Variants in STK40 observed in about 807,000 individuals in gnomAD.
STK40 encodes serine/threonine kinase 40, also known as serine/threonine-protein kinase 40.
A neutral mutation model predicts 47.9 loss-of-function variants in STK40; 13 were observed. The observed-to-expected ratio is 0.27, with a 90% CI of 0.18 to 0.43. STK40 has a LOEUF of 0.43. Among genes scored for constraint, STK40 ranks in the 20% least tolerant of loss-of-function variants. The pLI is 1.00. For missense variants in STK40, 460 were observed against 595.1 expected (o/e 0.77, Z 2.36); for synonymous variants, 225 against 243.2 (o/e 0.93, Z 0.69).
chr1:36,363,528 C>T (rs920777319), intron 1 of STK40, among the ~76,000 whole-genome samples: 9 of 152,034 alleles, frequency 5.9e-5, no homozygotes, highest in South Asian at 2.1e-4. Flanking sequence ...AAGAATTAGC[C>T]GGGCGCAGTG....
At chr1:36,364,760 A>G (rs1406531285) in intron 1 of STK40, among the ~76,000 whole-genome samples, 2 of 151,984 alleles carry the variant, frequency 1.3e-5, no homozygotes, top group Non-Finnish European at 2.9e-5. Flanking sequence ...GGAGTTCGAG[A>G]CCAGCCTGGG....
At chr1:36,368,543 C>T (rs765608001) in intron 1 of STK40, among the ~76,000 whole-genome samples, 3 of 152,164 alleles carry the variant, frequency 2.0e-5, no homozygotes, top group African/African-American at 7.2e-5. Context: ...TGAGCCACCA[C>T]CCCCAATCTA....
At chr1:36,358,486 G>A in intron 3 of STK40, 104 bp from the exon 4 acceptor site, 1 of 1,455,244 alleles carries the variant, frequency 6.9e-7, no homozygotes, top group Non-Finnish European at 9.3e-7. Flanking sequence ...CATGACATTT[G>A]TGCACAATGC....
At chr1:36,343,118 T>C in intron 10 of STK40, 1 of 643,336 alleles carries the variant, frequency 1.6e-6, no homozygotes, top group Non-Finnish European at 2.8e-6. Context: ...ACTTGGGCAC[T>C]GGCTCCAGCT....
In STK40 at chr1:36,343,941, C is replaced by T. The variant is rs773872076; in HGVS notation, c.923G>A (p.Arg308Gln). 1.6e-5 allele frequency: 25 copies of T among 1,608,182 alleles called. No individual in the cohort carries two copies. The highest frequency in any genetic ancestry group is 2.2e-5 in the East Asian group (1 of 44,734). ...RVSENTVCLI[R>Q]KLLVLDPQQR... ...CTGGGGGTCAAGGACCAGCAGCTTC[C>T]GGATGAGACACACGGTGTTCTCAGA... is the stretch of plus-strand genomic sequence containing the variant. The change falls in exon 9 of 11, where the codon CGG becomes CAG. Residue 308 changes from arginine (R) to glutamine (Q), a missense_variant. Arg to Gln is a conservative substitution (Grantham distance 43). This residue lies in a region of STK40 where 181 missense variants were observed against 218.9 expected (regional missense o/e 0.83). Coordinates refer to ENST00000373132, the MANE Select transcript of STK40 (RefSeq NM_001282547.2).
chr1:36,359,056 AAG>A (rs1646829984), intron 2 of STK40, among the ~76,000 whole-genome samples: 1 of 152,266 alleles, frequency 6.6e-6, no homozygotes, highest in Admixed American at 6.5e-5. Context: ...ACATTTCCCA[AAG>A]AGAGGTTTTC....
Position 36,367,992 on chromosome 1 carries a change from T to C in STK40, c.-8-6652A>G, listed in dbSNP as rs1646915693. The stretch of plus-strand genomic sequence containing the variant: ...CAGACCTGGTGCCTCCAGCTTAAGA[T>C]CTCTTGGAGCAGGATTGCGGGAGGA... On this transcript the variant is annotated intron_variant, in intron 1 of 10. Transcript: ENST00000373132. 4 of 540,596 alleles carry C rather than the reference T, an allele frequency of 7.4e-6. No individual in the cohort carries two copies. In the South Asian group the frequency reaches 3.2e-4, roughly 43 times the overall value. 33.5% of individuals were successfully genotyped at this position (540,596 alleles called of 1,614,324 possible).
At chr1:36,370,478 AT>A (rs1360492087) in intron 1 of STK40, among the ~76,000 whole-genome samples, 11 of 152,196 alleles carry the variant, frequency 7.2e-5, no homozygotes, top group African/African-American at 1.4e-4. Flanking sequence ...CTAACCATGC[AT>A]TTATCTGACT....
intron 1 of STK40, among the ~76,000 whole-genome samples, chr1:36,372,211 CG>C (rs1646954318): frequency 6.6e-6 from 1 of 151,388 alleles, no homozygotes; most frequent in Admixed American, 6.6e-5. Context: ...AGCCCGGGCA[CG>C]GTGGCTCATG....
At chr1:36,345,215 A>G (rs56394568) in intron 7 of STK40, among the ~76,000 whole-genome samples, 15,085 of 152,268 alleles carry the variant, frequency 0.099, 895 homozygotes, top group Middle Eastern at 0.26. Flanking sequence ...TGGACCCCAG[A>G]ACACAACTCC....
At position 36,344,221 on chromosome 1, in the gene STK40, G is replaced by A. The variant is rs201561577; in HGVS notation, c.783C>T (p.Gly261=). Residue 261 remains glycine (G), a synonymous_variant, in exon 8 of 11, where the codon GGC becomes GGT. Transcript: ENST00000373132. The part of the protein sequence containing the change: ...RGKPSDMWAL[G]VVLFTMLYGQ... The stretch of plus-strand genomic sequence containing the variant: ...CATACAGCATGGTGAAGAGCACCAC[G>A]CCCAGGGCCCACATGTCACTGGGCT... 33 of 1,612,620 alleles carry A rather than the reference G, an allele frequency of 2.0e-5. 1 individual carries two copies. Among genetic ancestry groups the A allele is most frequent in the Middle Eastern group, 3.3e-4 (2 of 6,056 alleles).
At chr1:36,344,285 C>T (rs1054338859) in intron 7 of STK40, 21 bp from the exon 8 acceptor site, 1 of 1,571,430 alleles carries the variant, frequency 6.4e-7, no homozygotes, top group African/African-American at 1.3e-5. Context: ...ACACATACCA[C>T]ACTGTCTTCA....
intron 1 of STK40, among the ~76,000 whole-genome samples, chr1:36,378,354 C>G (rs1647009468): frequency 6.6e-6 from 1 of 152,196 alleles, no homozygotes; most frequent in South Asian, 2.1e-4. Context: ...AGTCTTTTTA[C>G]CCCGCTCTGA....
At chr1:36,355,068 A>T in intron 5 of STK40, 138 bp downstream of exon 5, 1 of 878,508 alleles carries the variant, frequency 1.1e-6, no homozygotes, top group Non-Finnish European at 1.8e-6. Flanking sequence ...TGCACCTGCC[A>T]TTCAGTCACT....
At chr1:36,362,730 T>C (rs1350063992) in intron 1 of STK40, 1 of 152,242 alleles carries the variant, frequency 6.6e-6, no homozygotes, top group African/African-American at 2.4e-5. Flanking sequence ...CTCCCAGATA[T>C]AACTGCTGTT....
intron 7 of STK40, among the ~76,000 whole-genome samples, chr1:36,346,842 C>A (rs1646706794): frequency 6.6e-6 from 1 of 152,210 alleles, no homozygotes; most frequent in African/African-American, 2.4e-5. Flanking sequence ...GGCTAGCCCA[C>A]AGCCTGAGCC....
At chr1:36,364,788 T>C (rs1017272143) in intron 1 of STK40, among the ~76,000 whole-genome samples, 8 of 152,018 alleles carry the variant, frequency 5.3e-5, no homozygotes, top group Non-Finnish European at 1.2e-4. Context: ...GCGAGACCCA[T>C]CTCAATAAAA....
rs866908704 is a variant in STK40, at chr1:36,355,378, ATCT to A, written c.395_397del (p.Lys132del). On this transcript the variant is annotated inframe_deletion, in exon 5 of 11. Coordinates refer to ENST00000373132, the MANE Select transcript of STK40 (RefSeq NM_001282547.2). Reference sequence around the variant, plus strand: ...CAGGACGAGGCAGATGCGCTTCTTCATCTTCTTAACCATCCGGCTGGATTCTGT... The same window carrying A: ...CAGGACGAGGCAGATGCGCTTCTTCATCTTAACCATCCGGCTGGATTCTGT... 5 of 1,614,070 alleles carry A rather than the reference ATCT, an allele frequency of 3.1e-6. No individual in the cohort carries two copies. The Admixed American group carries it at 5.0e-5, about 16-fold the overall frequency.
chr1:36,382,933 G>T lies in STK40; in HGVS notation c.-9+2790C>A, dbSNP rs1168189593. On this transcript the variant is annotated intron_variant, in intron 1 of 10. Coordinates refer to ENST00000373132, the MANE Select transcript of STK40 (RefSeq NM_001282547.2). ...AGGGATAGAAGTAGAACACAGATCT[G>T]TCTGATGGCAGAGCCAAATAAGCTT... Among the ~76,000 whole-genome samples, 4 of 152,200 alleles carry T rather than the reference G, an allele frequency of 2.6e-5. No homozygotes were observed. The East Asian group carries it at 7.7e-4, about 29-fold the overall frequency.
Sources: gnomAD v4.1 joint callset for allele counts (sites outside exome capture counted in the v4.1 genomes callset) on GRCh38, gnomAD v4.1.1 for gene constraint, gnomAD v4.1.1 regional missense constraint, MANE v1.5 for transcripts, NCBI Gene and HGNC (gene_info 2026-07-23, HGNC 2026-07-21) for gene names.